The following ITCH variants were observed in gnomAD, a reference collection of about 807,000 sequenced individuals.
The protein encoded by ITCH is E3 ubiquitin-protein ligase Itchy homolog.
A neutral mutation model predicts 126.8 loss-of-function variants in ITCH; 28 were observed. The ratio of observed to expected loss-of-function variants is 0.22; its 90% CI spans 0.16 to 0.30. The LOEUF (loss-of-function observed/expected upper bound fraction) is 0.30. ITCH is among the 10% of genes least tolerant of loss of function. The pLI is 1.00. For synonymous variants in ITCH, 342 were observed against 340.0 expected, an observed-to-expected ratio of 1.01 and a Z score of -0.06; for missense variants, 631 against 1,032.4, an observed-to-expected ratio of 0.61 and a Z score of 5.33.
At chr20:34,471,777 T>TGTGTGTG (rs1987653326) in intron 16 of ITCH, among the ~76,000 whole-genome samples, 1 of 53,832 alleles carries the variant, frequency 1.9e-5, no homozygotes, top group African/African-American at 6.4e-5. Context: ...GATAATAGGT[T>TGTGTGTG]TGTGTGTGTG....
chr20:34,419,131 G>A (rs1980392977), intron 6 of ITCH, among the ~76,000 whole-genome samples: 1 of 152,112 alleles, frequency 6.6e-6, no homozygotes, highest in African/African-American at 2.4e-5. Context: ...AAAAATTGAA[G>A]TATTGAGGCT....
chr20:34,452,731 T>C (rs1457187204), intron 12 of ITCH, among the ~76,000 whole-genome samples: 1 of 152,108 alleles, frequency 6.6e-6, no homozygotes, highest in Non-Finnish European at 1.5e-5. Flanking sequence ...GCAGTGGCTG[T>C]TCTCCAGCAT....
intron 4 of ITCH, among the ~76,000 whole-genome samples, chr20:34,410,438 G>A (rs1978851762): frequency 6.6e-6 from 1 of 151,240 alleles, no homozygotes; most frequent in Non-Finnish European, 1.5e-5. Flanking sequence ...TCATTCGGAT[G>A]TTCCTCATCT....
In ITCH at chr20:34,438,587, C is replaced by T. The variant is rs540203213; in HGVS notation, c.635C>T (p.Pro212Leu). The part of the protein sequence containing the change: ...LSNGGFKPSR[P>L]PRPSRPPPPT... The stretch of plus-strand genomic sequence containing the variant: ...AATGGTGGTTTTAAACCTTCTAGAC[C>T]TCCAAGACCTTCACGACCACCACCA... Residue 212 changes from proline to leucine, a missense_variant, in exon 8 of 25, where the codon CCT (proline) becomes CTT (leucine). Physicochemically the swap from Pro to Leu is moderately conservative, Grantham distance 98. Around this residue, in one of 4 missense-constraint regions of ITCH, gnomAD observed 220 missense variants for 265.7 expected, o/e 0.83. Coordinates refer to ENST00000374864, the MANE Select transcript of ITCH (RefSeq NM_031483.7). The T allele has an allele frequency of 6.2e-7, 1 of 1,614,030 alleles. No individual in the cohort carries two copies. The highest frequency in any genetic ancestry group is 2.2e-5 in the East Asian group (1 of 44,882).
intron 2 of ITCH, among the ~76,000 whole-genome samples, chr20:34,370,254 A>G (rs1438707192): frequency 6.6e-6 from 1 of 152,152 alleles, no homozygotes; most frequent in Non-Finnish European, 1.5e-5. Flanking sequence ...CAGTTTATAC[A>G]TCTGTAAAAT....
At chr20:34,482,629 A>G (rs1393390297) in intron 20 of ITCH, among the ~76,000 whole-genome samples, 3 of 152,200 alleles carry the variant, frequency 2.0e-5, no homozygotes, top group Non-Finnish European at 2.9e-5. Flanking sequence ...TTTGCAGGGT[A>G]TAGCCCCCCA....
chr20:34,493,534 T>C (rs1177717852), intron 23 of ITCH, among the ~76,000 whole-genome samples: 1 of 152,162 alleles, frequency 6.6e-6, no homozygotes, highest in Admixed American at 6.5e-5. Flanking sequence ...AGGGGGTAGA[T>C]ACTAGGTAAA....
intron 9 of ITCH, among the ~76,000 whole-genome samples, chr20:34,440,706 A>C (rs748194263): frequency 1.3e-5 from 2 of 151,772 alleles, no homozygotes; most frequent in South Asian, 4.2e-4. Context: ...GACCACCTCA[A>C]CCTCTGAAAG....
At chr20:34,457,673 T>TG (rs898768807) in intron 13 of ITCH, among the ~76,000 whole-genome samples, 199 bp downstream of exon 13, 63 of 152,176 alleles carry the variant, frequency 4.1e-4, no homozygotes, top group Middle Eastern at 3.2e-3. Context: ...GGAAAAAACT[T>TG]TAACTGGGCA....
intron 3 of ITCH, among the ~76,000 whole-genome samples, chr20:34,396,102 C>T (rs532462998): frequency 1.8e-4 from 27 of 147,482 alleles, no homozygotes; most frequent in African/African-American, 5.5e-4. Context: ...GGTGTGATCT[C>T]GGCTCACTGC....
Position 34,507,815 on chromosome 20 carries a change from G to T in ITCH, c.*21G>T. The stretch of plus-strand genomic sequence containing the variant: ...AGTAACTTCTGAGAACTTGCACCAT[G>T]AATGGGCAAGAACTTATTTGCAATG... On this transcript the variant is annotated 3_prime_UTR_variant, in exon 25 of 25. Transcript: ENST00000374864. The T allele has an allele frequency of 6.5e-7, 1 of 1,532,170 alleles. No homozygotes were observed. The highest frequency in any genetic ancestry group is 9.0e-7 in the Non-Finnish European group (1 of 1,105,666). 94.9% of individuals were successfully genotyped at this position (1,532,170 alleles called of 1,614,324 possible). A position where few individuals can be genotyped will look rare whatever the true frequency, so the allele number is the denominator to read the frequency against.
chr20:34,430,761 A>C (rs979588526), intron 7 of ITCH, among the ~76,000 whole-genome samples: 13 of 152,186 alleles, frequency 8.5e-5, no homozygotes, highest in Middle Eastern at 3.2e-3. Flanking sequence ...TACAGGCGTG[A>C]GTCACCACGC....
chr20:34,471,150 G>A (rs1987584955), intron 15 of ITCH, among the ~76,000 whole-genome samples: 1 of 152,116 alleles, frequency 6.6e-6, no homozygotes, highest in Non-Finnish European at 1.5e-5. Context: ...GAAGCAAGAA[G>A]AATCTGGATT....
chr20:34,509,782 A>G lies in ITCH; in HGVS notation c.*1988A>G, dbSNP rs570339569. On this transcript the variant is annotated 3_prime_UTR_variant, in exon 25 of 25. Coordinates refer to ENST00000374864, the MANE Select transcript of ITCH (RefSeq NM_031483.7). ...ATTATATAAGTCTGAACTTGGTAATATATGGCTAATGAAGATTAAGCCCTC... is the reference window on the plus strand; with the variant it reads ...ATTATATAAGTCTGAACTTGGTAATGTATGGCTAATGAAGATTAAGCCCTC... 4 of 152,794 alleles carry G rather than the reference A, an allele frequency of 2.6e-5. No homozygotes were observed. Among genetic ancestry groups the G allele is most frequent in the Admixed American group, 2.0e-4 (3 of 15,306 alleles). The allele number at this position is 152,794 out of a possible 1,614,324, so 9.5% of individuals were successfully genotyped here. A position where few individuals can be genotyped will look rare whatever the true frequency, so the allele number is the denominator to read the frequency against.
rs1989528239 is a variant in ITCH at position 34,491,717 on chromosome 20, G to T, written c.2320-784G>T. Among the ~76,000 whole-genome samples, 4 of 152,166 alleles carry T rather than the reference G, an allele frequency of 2.6e-5. No homozygotes were observed. In the South Asian group the frequency reaches 8.3e-4, roughly 32 times the overall value. ...ATTATTCCTTATAAAAAAGTTTTTG[G>T]CTGAGGCAAAACAGTTATACTACAG... On this transcript the variant is annotated intron_variant, in intron 22 of 24. Transcript: ENST00000374864.
rs187733335 is a variant in ITCH at position 34,421,741 on chromosome 20, C to G, written c.476-2739C>G. Among the ~76,000 whole-genome samples the G allele has an allele frequency of 8.5e-5, 13 of 152,252 alleles. No individual in the cohort carries two copies. The East Asian group carries it at 2.5e-3, about 29-fold the overall frequency. On this transcript the variant is annotated intron_variant, in intron 6 of 24. Transcript: ENST00000374864. ...AGAGTGAATATTCCAGGCATGGTGG[C>G]TCACACCTGTAATCCCAGCACTCTG...
intron 2 of ITCH, among the ~76,000 whole-genome samples, chr20:34,378,234 G>A (rs1244071976): frequency 6.6e-6 from 1 of 152,040 alleles, no homozygotes; most frequent in East Asian, 1.9e-4. Flanking sequence ...ACTTTGGGAG[G>A]CCAAGGCGGG....
rs1430436019 is a variant in ITCH, at chr20:34,458,391, T to C, written c.1295+917T>C. Among the ~76,000 whole-genome samples the C allele has an allele frequency of 4.6e-5, 7 of 152,212 alleles. No individual in the cohort carries two copies. The East Asian group carries it at 9.6e-4, about 21-fold the overall frequency. ...TTTGTTGCCCAGGCTGTTCTCAAAC[T>C]CCTGTCTTTAAGCGATCCTCCTGCC... On this transcript the variant is annotated intron_variant, in intron 13 of 24. Transcript: ENST00000374864.
At chr20:34,388,981 C>T (rs1223812017) in intron 2 of ITCH, among the ~76,000 whole-genome samples, 3 of 151,986 alleles carry the variant, frequency 2.0e-5, no homozygotes, top group African/African-American at 7.3e-5. Context: ...AAGAGAGACC[C>T]ATAATATAAA....
Sources: allele counts gnomAD v4.1 joint callset (sites outside exome capture counted in the v4.1 genomes callset), GRCh38; gene constraint gnomAD v4.1.1; regional missense constraint gnomAD v4.1.1; transcripts MANE v1.5; gene names NCBI Gene and HGNC (gene_info 2026-07-23, HGNC 2026-07-21).